The following DAZAP1 variants were observed in gnomAD, a reference collection of about 807,000 sequenced individuals.
The protein encoded by DAZAP1 is DAZ-associated protein 1.
In DAZAP1, 6 loss-of-function variants were observed where a neutral mutation model predicts 60.1. The observed-to-expected ratio is 0.10, with a 90% CI of 0.05 to 0.20. The LOEUF (loss-of-function observed/expected upper bound fraction) is 0.20, where lower values mean the gene tolerates loss of function less well. Ranked by LOEUF, DAZAP1 falls within the 10% of genes least tolerant of loss-of-function variation. The probability of loss-of-function intolerance (pLI) is 1.00; values close to 1 mark genes in which losing one functional copy is unlikely to be tolerated. For missense variants in DAZAP1, 366 were observed against 560.4 expected (o/e 0.65, Z 3.50); for synonymous variants, 235 against 215.9 (o/e 1.09, Z -0.78).
intron 10 of DAZAP1, 90 bp downstream of exon 10, chr19:1,430,452 G>A (rs2083418911): frequency 8.8e-6 from 11 of 1,252,500 alleles, no homozygotes; most frequent in East Asian, 5.7e-5. Flanking sequence ...TGTGTTACAC[G>A]TCTGGCCTCA....
In DAZAP1 at chr19:1,421,166, G is replaced by A. The variant is rs774699256; in HGVS notation, c.322G>A (p.Asp108Asn). The A allele has an allele frequency of 4.3e-6, 7 of 1,614,044 alleles. No homozygotes were observed. The highest frequency in any genetic ancestry group is 2.2e-5 in the East Asian group (1 of 44,900). Residue 108 changes from aspartate to asparagine, a missense_variant, in exon 5 of 12, where the codon GAT (aspartate) becomes AAT (asparagine). By Grantham distance (23) the Asp-to-Asn change is conservative. Coordinates refer to ENST00000233078, the MANE Select transcript of DAZAP1 (RefSeq NM_018959.4). ...TCAACAGCAGAAAGGACCCAGGAGCGATAACAGTAAATCAAATAAGATATT... is the reference window on the plus strand; with the variant it reads ...TCAACAGCAGAAAGGACCCAGGAGCAATAACAGTAAATCAAATAAGATATT... ...KEGWQKGPRS[D>N]NSKSNKIFVG... is the part of the protein sequence containing the mutation.
intron 1 of DAZAP1, among the ~76,000 whole-genome samples, chr19:1,415,464 G>A (rs972145035): frequency 6.9e-5 from 10 of 144,756 alleles, no homozygotes; most frequent in African/African-American, 1.3e-4. Context: ...GCATTTTTCC[G>A]GTCGGTTCCA....
chr19:1,428,970 G>A lies in DAZAP1; in HGVS notation c.675G>A (p.Thr225=), dbSNP rs754509700. The part of the protein sequence containing the change: ...ANGWAGQPPP[T]WQQGYGPQGM... ...GCTGGGCAGGCCAGCCCCCGCCCAC[G>A]TGGCAGCAAGGATATGGCCCGCAAG... Residue 225 remains threonine (T), a synonymous_variant, in exon 8 of 12, where the codon ACG becomes ACA. Coordinates refer to ENST00000233078, the MANE Select transcript of DAZAP1 (RefSeq NM_018959.4). The surrounding 1 kb of genome is among the most constrained non-coding windows in gnomAD (Gnocchi z 4.0). 3.1e-5 allele frequency: 50 copies of A among 1,604,828 alleles called. No homozygotes were observed. Among genetic ancestry groups the A allele is most frequent in the Admixed American group, 8.6e-5 (5 of 58,344 alleles).
rs945972371 is a variant in DAZAP1 at position 1,418,508 on chromosome 19, G to T, written c.237+138G>T. ...GGTCGATTGGGAAGGATTAAGCCTT[G>T]GTGCTGAGGCTGGATATTGCAGGAG... On this transcript the variant is annotated intron_variant, in intron 3 of 11. Coordinates refer to ENST00000233078, the MANE Select transcript of DAZAP1 (RefSeq NM_018959.4). This position sits in a 1 kb window ranked among gnomAD's most constrained non-coding sequence, Gnocchi z 5.7. 12 of 1,426,298 alleles carry T rather than the reference G, an allele frequency of 8.4e-6. No homozygotes were observed. Among genetic ancestry groups the T allele is most frequent in the Non-Finnish European group, 1.2e-5 (12 of 1,020,160 alleles). The allele number at this position is 1,426,298 out of a possible 1,614,324, so 88.4% of individuals were successfully genotyped here. A position where few individuals can be genotyped will look rare whatever the true frequency, so the allele number is the denominator to read the frequency against.
intron 4 of DAZAP1, among the ~76,000 whole-genome samples, chr19:1,420,604 C>T (rs560689419): frequency 6.6e-6 from 1 of 152,132 alleles, no homozygotes. Context: ...AGCGCCGAGG[C>T]CCCGGGAAGT....
At position 1,421,128 on chromosome 19, in the gene DAZAP1, A is replaced by G. The variant is rs75293379; in HGVS notation, c.304-20A>G. 3.0e-4 allele frequency: 481 copies of G among 1,610,858 alleles called. No homozygotes were observed. The East Asian group carries it at 0.011, about 35-fold the overall frequency. Reference sequence around the variant, plus strand: ...TGGAGGGTTCCCGTGTGAACTAACTATCCTTCCCTTCTTCAACAGCAGAAA... The same window carrying G: ...TGGAGGGTTCCCGTGTGAACTAACTGTCCTTCCCTTCTTCAACAGCAGAAA... On this transcript the variant is annotated intron_variant, in intron 4 of 11. Transcript: ENST00000233078.
intron 6 of DAZAP1, among the ~76,000 whole-genome samples, chr19:1,424,207 T>A (rs2083241524): frequency 5.3e-5 from 8 of 151,992 alleles, no homozygotes. Flanking sequence ...ACGTCTACCC[T>A]CGGCCCGCCC....
At chr19:1,417,595 C>G (rs531079928) in intron 2 of DAZAP1, 55 bp downstream of exon 2, 62 of 1,515,060 alleles carry the variant, frequency 4.1e-5, no homozygotes, top group Non-Finnish European at 5.1e-5. Context: ...AGGACCTCGG[C>G]CTTCAAGTTG....
At position 1,418,445 on chromosome 19, in the gene DAZAP1, T is replaced by C; in HGVS notation, c.237+75T>C. On this transcript the variant is annotated intron_variant, in intron 3 of 11. Transcript: ENST00000233078. The surrounding 1 kb of genome is among the most constrained non-coding windows in gnomAD (Gnocchi z 5.7). ...TCCTCTGCTTCATTTTTTCCTGGAC[T>C]CTGACCGATGTTTGCGTTAGAGTAT... is the stretch of plus-strand genomic sequence containing the variant. 1.3e-6 allele frequency: 2 copies of C among 1,564,758 alleles called. No homozygotes were observed. The highest frequency in any genetic ancestry group is 2.3e-5 in the East Asian group (1 of 44,404).
In DAZAP1 at chr19:1,426,267, A is replaced by G. The variant is rs1020496496; in HGVS notation, c.546+307A>G. Reference sequence around the variant, plus strand: ...GCGGTGTTGGGGCTGGCTCCAGTGAAACCGCAGCGTTGCCTCAGGCTTGGT... The same window carrying G: ...GCGGTGTTGGGGCTGGCTCCAGTGAGACCGCAGCGTTGCCTCAGGCTTGGT... On this transcript the variant is annotated intron_variant, in intron 7 of 11. Coordinates refer to ENST00000233078, the MANE Select transcript of DAZAP1 (RefSeq NM_018959.4). This position sits in a 1 kb window ranked among gnomAD's most constrained non-coding sequence, Gnocchi z 5.4. 1 of 377,990 alleles carries G rather than the reference A, an allele frequency of 2.6e-6. No homozygotes were observed. Among genetic ancestry groups the G allele is most frequent in the Non-Finnish European group, 5.0e-6 (1 of 200,604 alleles). The allele number at this position is 377,990 out of a possible 1,614,324, so 23.4% of individuals were successfully genotyped here.
Position 1,433,819 on chromosome 19 carries a change from G to A in DAZAP1, c.1049-918G>A. The A allele has an allele frequency of 2.5e-6, 4 of 1,613,820 alleles. No homozygotes were observed. The highest frequency in any genetic ancestry group is 3.4e-6 in the Non-Finnish European group (4 of 1,179,790). Reference sequence around the variant, plus strand: ...TCTTATGGTCAGGCTGAGCAGTGATGTGGCCTAGGTAGGTGCCGCCTCCTT... The same window carrying A: ...TCTTATGGTCAGGCTGAGCAGTGATATGGCCTAGGTAGGTGCCGCCTCCTT... On this transcript the variant is annotated intron_variant, in intron 11 of 11. Coordinates refer to ENST00000233078, the MANE Select transcript of DAZAP1 (RefSeq NM_018959.4). This position sits in a 1 kb window ranked among gnomAD's most constrained non-coding sequence, Gnocchi z 6.1.
Position 1,432,875 on chromosome 19 carries a change from G to C in DAZAP1, c.1048+185G>C. 1.6e-6 allele frequency: 1 copy of C among 625,820 alleles called. No individual in the cohort carries two copies. The allele number at this position is 625,820 out of a possible 1,614,324, so 38.8% of individuals were successfully genotyped here. A position where few individuals can be genotyped will look rare whatever the true frequency, so the allele number is the denominator to read the frequency against. On this transcript the variant is annotated intron_variant, in intron 11 of 11. Transcript: ENST00000233078. The surrounding 1 kb of genome is among the most constrained non-coding windows in gnomAD (Gnocchi z 4.9). ...CGTGGCAACTCGGGTCCAGCAGAAG[G>C]GAGCGTGGGAGTCTTGTCGCAGCAG...
rs1218197237 is a variant in DAZAP1, at chr19:1,428,822, C to T, written c.547-20C>T. 1 of 1,612,856 alleles carries T rather than the reference C, an allele frequency of 6.2e-7. No homozygotes were observed. The highest frequency in any genetic ancestry group is 2.2e-5 in the East Asian group (1 of 44,868). Reference sequence around the variant, plus strand: ...CTGGGACCCGCAGCCTCGCCCTAAACCAGAGCTCGGTTTGTTTAGGTGGAA... The same window carrying T: ...CTGGGACCCGCAGCCTCGCCCTAAATCAGAGCTCGGTTTGTTTAGGTGGAA... On this transcript the variant is annotated intron_variant, in intron 7 of 11. Coordinates refer to ENST00000233078, the MANE Select transcript of DAZAP1 (RefSeq NM_018959.4). The surrounding 1 kb of genome is among the most constrained non-coding windows in gnomAD (Gnocchi z 4.0).
chr19:1,427,146 G>C (rs2083324380), intron 7 of DAZAP1: 1 of 152,228 alleles, frequency 6.6e-6, no homozygotes, highest in Non-Finnish European at 1.5e-5. Flanking sequence ...GGTTTAAAAT[G>C]AGCCTGCCGG....
intron 1 of DAZAP1, among the ~76,000 whole-genome samples, chr19:1,408,463 C>T (rs1313060220): frequency 2.0e-5 from 3 of 152,226 alleles, no homozygotes; most frequent in Non-Finnish European, 2.9e-5. Context: ...ACGTGGCGAG[C>T]CGAGGCGAGG....
Position 1,429,945 on chromosome 19 carries a change from CCTCTT to C in DAZAP1, c.701-19_701-15del. ...CAGCTGGTGGACACGGCGCCAACCTCCTCTTCTGTTCTCTTATCTAGGAATGTGGG... is the reference window on the plus strand; with the variant it reads ...CAGCTGGTGGACACGGCGCCAACCTCCTGTTCTCTTATCTAGGAATGTGGG... On this transcript the variant is annotated splice_polypyrimidine_tract_variant and intron_variant, in intron 8 of 11. Coordinates refer to ENST00000233078, the MANE Select transcript of DAZAP1 (RefSeq NM_018959.4). The C allele has an allele frequency of 1.3e-6, 2 of 1,560,892 alleles. No individual in the cohort carries two copies. The highest frequency in any genetic ancestry group is 1.7e-6 in the Non-Finnish European group (2 of 1,151,460).
intron 1 of DAZAP1, among the ~76,000 whole-genome samples, chr19:1,408,939 C>T (rs1039701379): frequency 3.3e-5 from 5 of 152,240 alleles, no homozygotes; most frequent in African/African-American, 1.2e-4. Context: ...GAGCAGCGCC[C>T]TGTGTTCTCA....
At position 1,407,619 on chromosome 19, in the gene DAZAP1, A is replaced by AGCCGGC. The variant is rs1555778574; in HGVS notation, c.-151_-150insGCGCCG. 8.5e-6 allele frequency: 2 copies of AGCCGGC among 235,986 alleles called. No homozygotes were observed. Among genetic ancestry groups the AGCCGGC allele is most frequent in the Non-Finnish European group, 1.3e-5 (2 of 151,900 alleles). The allele number at this position is 235,986 out of a possible 1,614,324, so 14.6% of individuals were successfully genotyped here. A position where few individuals can be genotyped will look rare whatever the true frequency, so the allele number is the denominator to read the frequency against. On this transcript the variant is annotated 5_prime_UTR_variant, in exon 1 of 12. Transcript: ENST00000233078. ...ACCGTTGGCGCCGAGGGGAGGAGGC[A>AGCCGGC]GCCGCCGCCGCCGCCGCCGCCGCCG...
chr19:1,412,263 C>T (rs757342574), intron 1 of DAZAP1, among the ~76,000 whole-genome samples: 1 of 152,094 alleles, frequency 6.6e-6, no homozygotes, highest in Non-Finnish European at 1.5e-5. Flanking sequence ...TATGGAGGGG[C>T]GGGCTGGGCT....
Sources: allele counts gnomAD v4.1 joint callset (sites outside exome capture counted in the v4.1 genomes callset), GRCh38; gene constraint gnomAD v4.1.1; non-coding constraint Gnocchi (gnomAD v3.1); transcripts MANE v1.5; gene names NCBI Gene and HGNC (gene_info 2026-07-23, HGNC 2026-07-21).